Variants in IARS2 observed in about 807,000 individuals in gnomAD.
IARS2 encodes the protein isoleucine--tRNA ligase, mitochondrial.
A neutral mutation model predicts 126.3 loss-of-function variants in IARS2; 56 were observed. The ratio of observed to expected loss-of-function variants is 0.44; its 90% confidence interval spans 0.36 to 0.55. The LOEUF is 0.55. Among genes scored for constraint, IARS2 ranks in the 20% least tolerant of loss-of-function variants. The probability of loss-of-function intolerance (pLI) is 0.00; values close to 1 mark genes in which losing one functional copy is unlikely to be tolerated. For synonymous variants in IARS2, 407 were observed against 441.1 expected (o/e 0.92, Z 0.97); for missense variants, 1,127 against 1,245.9 (o/e 0.90, Z 1.44).
Position 220,147,694 on chromosome 1 carries a change from G to A in IARS2, c.*59G>A. 6.4e-7 allele frequency: 1 copy of A among 1,565,332 alleles called. No individual in the cohort carries two copies. Among genetic ancestry groups the A allele is most frequent in the Non-Finnish European group, 8.7e-7 (1 of 1,146,698 alleles). On this transcript the variant is annotated 3_prime_UTR_variant, in exon 23 of 23. Coordinates refer to ENST00000366922, the MANE Select transcript of IARS2 (RefSeq NM_018060.4). ...ACAGTACTGGCTAGAAGTTTGGATG[G>A]ATTATTTACAATATAGGAAAGAAAG...
chr1:220,114,220 C>T (rs966824730), intron 11 of IARS2, 94 bp from the exon 12 acceptor site: 4 of 1,125,560 alleles, frequency 3.6e-6, no homozygotes, highest in African/African-American at 3.1e-5. Flanking sequence ...TGGCTACAAA[C>T]ATCCAAAAGA....
In IARS2 at chr1:220,094,287, C is replaced by T. The variant is rs755319111; in HGVS notation, c.71C>T (p.Thr24Met). ...ALATARSLWG[T>M]PRLPCSPGWQ... ...GCCACTGCCCGAAGTTTGTGGGGGA[C>T]GCCCCGCCTTCCCTGCAGCCCGGGA... The change falls in exon 1 of 23, where the codon ACG becomes ATG. Residue 24 changes from threonine to methionine, a missense_variant. Coordinates refer to ENST00000366922, the MANE Select transcript of IARS2 (RefSeq NM_018060.4). 1 of 1,610,632 alleles carries T rather than the reference C, an allele frequency of 6.2e-7. No homozygotes were observed. Among genetic ancestry groups the T allele is most frequent in the Non-Finnish European group, 8.5e-7 (1 of 1,178,718 alleles).
chr1:220,106,355 G>A (rs759277416), intron 9 of IARS2, among the ~76,000 whole-genome samples: 1 of 152,030 alleles, frequency 6.6e-6, no homozygotes, highest in South Asian at 2.1e-4. Flanking sequence ...CCCTGAAAAA[G>A]CCTGTTTGTT....
At chr1:220,139,243 A>ACT in intron 18 of IARS2, 104 bp downstream of exon 18, 1 of 759,686 alleles carries the variant, frequency 1.3e-6, no homozygotes, top group Non-Finnish European at 2.0e-6. Context: ...GGAAATAGTA[A>ACT]CTATAGCACT....
Position 220,102,693 on chromosome 1 carries a change from C to T in IARS2, c.866C>T (p.Ser289Leu), listed in dbSNP as rs1571845317. Residue 289 changes from serine to leucine, a missense_variant, in exon 7 of 23, where the codon TCA becomes TTA. Coordinates refer to ENST00000366922, the MANE Select transcript of IARS2 (RefSeq NM_018060.4). Reference sequence around the variant, plus strand: ...TACAATTGTATTTTCACAGATGGTTCATCTCCTGTTAGTATTTTGGTCTGG... The same window carrying T: ...TACAATTGTATTTTCACAGATGGTTTATCTCCTGTTAGTATTTTGGTCTGG... ...SPKLASLIDG[S>L]SPVSILVWTT... is the part of the protein sequence containing the mutation. 6.2e-7 allele frequency: 1 copy of T among 1,610,992 alleles called. No individual in the cohort carries two copies. The highest frequency in any genetic ancestry group is 1.3e-5 in the African/African-American group (1 of 74,996).
rs1294708072 is a variant in IARS2, at chr1:220,094,326, C to T, written c.110C>T (p.Thr37Met). ...LPCSPGWQGA[T>M]KRLLVRSVSG... ...TGCAGCCCGGGATGGCAAGGGGCGA[C>T]GAAGAGGCTTCTGGTGCGGTCGGTC... Residue 37 changes from threonine to methionine, a missense_variant, in exon 1 of 23, where the codon ACG (threonine) becomes ATG (methionine). Physicochemically the swap from Thr to Met is moderately conservative, Grantham distance 81 (BLOSUM62 -1). Transcript: ENST00000366922. 1 of 1,612,866 alleles carries T rather than the reference C, an allele frequency of 6.2e-7. No individual in the cohort carries two copies. Among genetic ancestry groups the T allele is most frequent in the Non-Finnish European group, 8.5e-7 (1 of 1,179,582 alleles).
intron 14 of IARS2, among the ~76,000 whole-genome samples, chr1:220,128,490 G>A (rs1271757898): frequency 2.0e-5 from 3 of 152,136 alleles, no homozygotes; most frequent in Non-Finnish European, 2.9e-5. Flanking sequence ...TGAGGTTTGT[G>A]TAAGTACACT....
chr1:220,108,207 A>G (rs1656720453), intron 10 of IARS2, among the ~76,000 whole-genome samples: 1 of 150,890 alleles, frequency 6.6e-6, no homozygotes, highest in African/African-American at 2.4e-5. Context: ...ATTACAGGAT[A>G]CACACCACTA....
At chr1:220,139,611 C>T (rs559861787) in intron 18 of IARS2, among the ~76,000 whole-genome samples, 7 of 152,186 alleles carry the variant, frequency 4.6e-5, no homozygotes, top group Middle Eastern at 3.4e-3. Flanking sequence ...ATTAGCCAGG[C>T]GTGTTAGCCA....
At chr1:220,104,576 G>A (rs1656642770) in intron 8 of IARS2, among the ~76,000 whole-genome samples, 1 of 151,592 alleles carries the variant, frequency 6.6e-6, no homozygotes, top group Non-Finnish European at 1.5e-5. Context: ...GTAGAGATGA[G>A]GTCTTGCTAC....
intron 12 of IARS2, chr1:220,118,352 G>A (rs1656971137): frequency 4.3e-6 from 1 of 234,128 alleles, no homozygotes; most frequent in Admixed American, 5.6e-5. Flanking sequence ...AATAAGTTTA[G>A]GGACTGGTAG....
intron 12 of IARS2, chr1:220,118,179 G>T: frequency 2.0e-6 from 1 of 504,682 alleles, no homozygotes; most frequent in Admixed American, 2.1e-5. Context: ...AAAAGTAACA[G>T]CATCTCCACT....
At chr1:220,117,181 C>CTTG (rs1656931706) in intron 12 of IARS2, among the ~76,000 whole-genome samples, 1 of 104,582 alleles carries the variant, frequency 9.6e-6, no homozygotes. Context: ...ATTGTCTCCT[C>CTTG]TTCTTTTTTT....
At chr1:220,094,538 CACCGGGCGCTCGCAGGCG>C in intron 1 of IARS2, 55 bp downstream of exon 1, 2 of 1,455,352 alleles carry the variant, frequency 1.4e-6, no homozygotes, top group Non-Finnish European at 1.8e-6. Context: ...CGGCCGCGGG[CACCGGGCGCTCGCAGGCG>C]CCACACCTCT....
At chr1:220,106,948 A>G (rs1359443404) in intron 9 of IARS2, 113 bp from the exon 10 acceptor site, 5 of 765,338 alleles carry the variant, frequency 6.5e-6, no homozygotes, top group Admixed American at 2.1e-5. Context: ...TAGAATTTCA[A>G]TGTAGAAAAA....
At position 220,111,598 on chromosome 1, in the gene IARS2, A is replaced by ATATATATGTGTGTG. The variant is rs374024744; in HGVS notation, c.1479+662_1479+663insATATATGTGTGTGT. On this transcript the variant is annotated intron_variant, in intron 11 of 22. Transcript: ENST00000366922. ...TGGGTATATATATATATATATATAT[A>ATATATATGTGTGTG]TGTGTGTGTGTGTGTGTGTGTGTGT... 5.8e-3 allele frequency among the ~76,000 whole-genome samples: 785 copies of ATATATATGTGTGTG among 134,796 alleles called. 5 individuals are homozygous for ATATATATGTGTGTG. Among genetic ancestry groups the ATATATATGTGTGTG allele is most frequent in the Non-Finnish European group, 8.1e-3 (505 of 62,506 alleles). The allele number at this position is 134,796 out of a possible 152,430, so 88.4% of individuals were successfully genotyped here.
At chr1:220,131,723 G>A (rs760322263) in intron 14 of IARS2, among the ~76,000 whole-genome samples, 14 of 151,048 alleles carry the variant, frequency 9.3e-5, no homozygotes, top group Non-Finnish European at 1.8e-4. Flanking sequence ...TGACCTCAAG[G>A]GATCAGCGCT....
At chr1:220,130,621 G>A (rs906850356) in intron 14 of IARS2, among the ~76,000 whole-genome samples, 20 of 151,664 alleles carry the variant, frequency 1.3e-4, no homozygotes, top group African/African-American at 4.6e-4. Context: ...GCAGTGGCAC[G>A]ATCTTGGCTC....
intron 12 of IARS2, among the ~76,000 whole-genome samples, chr1:220,116,612 A>G (rs1656918432): frequency 6.6e-6 from 1 of 152,120 alleles, no homozygotes; most frequent in Admixed American, 6.6e-5. Flanking sequence ...ATATTATTAT[A>G]AGTTGGATCT....
Sources: gnomAD v4.1 joint callset for allele counts (sites outside exome capture counted in the v4.1 genomes callset) on GRCh38, gnomAD v4.1.1 for gene constraint, MANE v1.5 for transcripts, NCBI Gene and HGNC (gene_info 2026-07-23, HGNC 2026-07-21) for gene names.